The following PSPC1 variants were observed in gnomAD, a reference collection of about 807,000 sequenced individuals.
The protein encoded by PSPC1 is paraspeckle protein 1.
In PSPC1, 14 loss-of-function variants were observed where a neutral mutation model predicts 51.6. That is an observed-to-expected ratio of 0.27 (90% CI 0.18 to 0.42). The LOEUF (loss-of-function observed/expected upper bound fraction) is 0.42. Ranked by LOEUF, PSPC1 falls within the 10% of genes least tolerant of loss-of-function variation. The probability of loss-of-function intolerance (pLI) is 1.00; values close to 1 mark genes in which losing one functional copy is unlikely to be tolerated. For synonymous variants in PSPC1, 193 were observed against 231.9 expected (o/e 0.83, Z 1.53); for missense variants, 406 against 701.1 (o/e 0.58, Z 4.75).
intron 1 of PSPC1, among the ~76,000 whole-genome samples, chr13:19,780,100 C>A (rs1889762326): frequency 3.8e-5 from 4 of 106,224 alleles, no homozygotes; most frequent in South Asian, 4.4e-4. Context: ...GTGAGGAGCC[C>A]CTCTGCCCGG....
chr13:19,768,972 T>C (rs1342253415), intron 2 of PSPC1, among the ~76,000 whole-genome samples: 1 of 135,302 alleles, frequency 7.4e-6, no homozygotes, highest in Non-Finnish European at 1.6e-5. Flanking sequence ...CCATCTCTAC[T>C]GCAAAAAAAA....
chr13:19,761,967 T>C (rs1259569146), intron 2 of PSPC1, among the ~76,000 whole-genome samples: 1 of 152,300 alleles, frequency 6.6e-6, no homozygotes. Context: ...GCAGATGATA[T>C]GTCATTCATC....
At chr13:19,745,329 T>C (rs538316273) in intron 4 of PSPC1, among the ~76,000 whole-genome samples, 3 of 152,118 alleles carry the variant, frequency 2.0e-5, no homozygotes, top group Admixed American at 2.0e-4. Flanking sequence ...ATTAATTAAT[T>C]AATTAAAATG....
downstream of PSPC1, among the ~76,000 whole-genome samples, chr13:19,701,673 A>T (rs1329872916): frequency 6.6e-6 from 1 of 152,230 alleles, no homozygotes; most frequent in African/African-American, 2.4e-5. Context: ...GCTTTTATGC[A>T]AAATTTAAAT....
intron 7 of PSPC1, among the ~76,000 whole-genome samples, chr13:19,707,349 A>T (rs986507852): frequency 6.6e-6 from 1 of 152,216 alleles, no homozygotes; most frequent in Non-Finnish European, 1.5e-5. Context: ...ATAAATTTAA[A>T]GATATAAAAA....
chr13:19,703,744 G>A (rs1403962369), intron 8 of PSPC1, among the ~76,000 whole-genome samples: 1 of 151,738 alleles, frequency 6.6e-6, no homozygotes, highest in Non-Finnish European at 1.5e-5. Flanking sequence ...AAAAAAATCA[G>A]AGAAATAAAA....
chr13:19,776,843 A>G (rs1889186832), intron 1 of PSPC1, among the ~76,000 whole-genome samples: 1 of 149,688 alleles, frequency 6.7e-6, no homozygotes, highest in Admixed American at 6.7e-5. Flanking sequence ...AAAAAATAAT[A>G]TGCCGGGCAT....
chr13:19,780,121 C>T (rs1431049376), intron 1 of PSPC1, among the ~76,000 whole-genome samples: 6 of 63,266 alleles, frequency 9.5e-5, no homozygotes, highest in Admixed American at 1.6e-4. Context: ...CCAGCCGCCC[C>T]GTCCGGGAGG....
At chr13:19,760,773 G>T (rs1887540681) in intron 2 of PSPC1, among the ~76,000 whole-genome samples, 1 of 151,914 alleles carries the variant, frequency 6.6e-6, no homozygotes, top group Non-Finnish European at 1.5e-5. Context: ...TGGATCACAA[G>T]ATCAGGAGTT....
chr13:19,754,146 G>A (rs562245065), intron 3 of PSPC1, among the ~76,000 whole-genome samples: 2 of 151,438 alleles, frequency 1.3e-5, no homozygotes, highest in East Asian at 2.0e-4. Flanking sequence ...ATGCAATGGC[G>A]CCATCTTGGC....
chr13:19,731,766 T>G (rs1274956494), intron 5 of PSPC1, among the ~76,000 whole-genome samples: 1 of 152,140 alleles, frequency 6.6e-6, no homozygotes, highest in Non-Finnish European at 1.5e-5. Flanking sequence ...ACTGGGGCAT[T>G]TCAGATTTAG....
At chr13:19,715,127 C>T (rs1460484655) in intron 6 of PSPC1, among the ~76,000 whole-genome samples, 1 of 152,176 alleles carries the variant, frequency 6.6e-6, no homozygotes, top group African/African-American at 2.4e-5. Context: ...TTCTTTAAAA[C>T]CTCGCTTTGG....
chr13:19,712,949 C>A (rs1190059307), intron 6 of PSPC1, among the ~76,000 whole-genome samples: 2 of 152,100 alleles, frequency 1.3e-5, no homozygotes, highest in African/African-American at 4.8e-5. Flanking sequence ...ACCACCGCTA[C>A]AAACTTCTAG....
At chr13:19,750,805 T>A (rs987402415) in intron 4 of PSPC1, among the ~76,000 whole-genome samples, 2 of 151,788 alleles carry the variant, frequency 1.3e-5, no homozygotes, top group African/African-American at 4.8e-5. Flanking sequence ...GTTTTGCTCT[T>A]GTTGCCCAGG....
intron 6 of PSPC1, among the ~76,000 whole-genome samples, chr13:19,687,457 T>C (rs963793490): frequency 1.3e-5 from 2 of 152,152 alleles, no homozygotes; most frequent in Non-Finnish European, 2.9e-5. Flanking sequence ...GTCTCATATT[T>C]TCATTTGTCA....
At position 19,730,350 on chromosome 13, in the gene PSPC1, A is replaced by AGCGTCTGAGTTCTTCTTGACGCCTC. The variant is rs1883897490; in HGVS notation, c.1053-7_1053-6insGAGGCGTCAAGAAGAACTCAGACGC. On this transcript the variant is annotated splice_region_variant and splice_polypyrimidine_tract_variant and intron_variant, in intron 5 of 8. Coordinates refer to ENST00000338910, the MANE Select transcript of PSPC1 (RefSeq NM_001354909.2). ...GCCGATGCTCCTCTTCATGTCTGAAAATTTTTCAAATAAAAATTTCAGCAT... is the reference window on the plus strand; with the variant it reads ...GCCGATGCTCCTCTTCATGTCTGAAAGCGTCTGAGTTCTTCTTGACGCCTCATTTTTCAAATAAAAATTTCAGCAT... 1 of 1,613,306 alleles carries AGCGTCTGAGTTCTTCTTGACGCCTC rather than the reference A, an allele frequency of 6.2e-7. No homozygotes were observed. The highest frequency in any genetic ancestry group is 1.3e-5 in the African/African-American group (1 of 74,844).
chr13:19,702,346 C>T (rs1490817990), downstream of PSPC1, among the ~76,000 whole-genome samples: 1 of 152,154 alleles, frequency 6.6e-6, no homozygotes, highest in African/African-American at 2.4e-5. Flanking sequence ...TCACAGCCAA[C>T]CCAACAGTAT....
chr13:19,759,444 A>C (rs778239383), intron 2 of PSPC1, 26 bp from the exon 3 acceptor site: 1 of 1,508,652 alleles, frequency 6.6e-7, no homozygotes, highest in East Asian at 2.3e-5. Context: ...AGCATTCATA[A>C]AAATTAACAC....
chr13:19,673,857 T>TAA (rs997812953), downstream of PSPC1, among the ~76,000 whole-genome samples: 6 of 152,350 alleles, frequency 3.9e-5, no homozygotes, highest in South Asian at 4.1e-4. Flanking sequence ...AGGTTTATTA[T>TAA]AACATTTAGA....
Sources: gnomAD v4.1 joint callset for allele counts (sites outside exome capture counted in the v4.1 genomes callset) on GRCh38, gnomAD v4.1.1 for gene constraint, MANE v1.5 for transcripts, NCBI Gene and HGNC (gene_info 2026-07-23, HGNC 2026-07-21) for gene names.